RPS4Y1: variants seen among roughly 807,000 people sequenced by gnomAD.
RPS4Y1 encodes ribosomal protein S4 Y-linked 1, also known as small ribosomal subunit protein eS4, Y isoform 1.
For missense variants in RPS4Y1, 30 were observed against 60.9 expected (o/e 0.49, Z 1.69); for synonymous variants, 23 against 20.8 (o/e 1.10, Z -0.28).
intron 5 of RPS4Y1, among the ~76,000 whole-genome samples, chrY:2,859,052 C>T: frequency 6.0e-5 from 2 of 33,407 alleles, no homozygotes; most frequent in African/African-American, 2.4e-4. Flanking sequence ...GACTTATAGT[C>T]TATTTTGTCT....
intron 4 of RPS4Y1, among the ~76,000 whole-genome samples, chrY:2,847,184 C>G: frequency 3.0e-5 from 1 of 33,749 alleles, no homozygotes; most frequent in Non-Finnish European, 7.3e-5. Flanking sequence ...AGTGGAGAAT[C>G]AGAGGCTCCT....
intron 4 of RPS4Y1, among the ~76,000 whole-genome samples, 169 bp downstream of exon 4, chrY:2,845,912 T>G: frequency 3.0e-5 from 1 of 33,727 alleles, no homozygotes; most frequent in South Asian, 6.6e-4. Context: ...AGTAATGGAT[T>G]TTCCACACAA....
At chrY:2,845,298 TC>T (rs2051151905) in intron 3 of RPS4Y1, among the ~76,000 whole-genome samples, 1 of 32,577 alleles carries the variant, frequency 3.1e-5, no homozygotes, top group African/African-American at 1.2e-4. Flanking sequence ...AAATGTGAGG[TC>T]TGCTTGTTCA....
At chrY:2,862,169 C>T (rs2051164122) in intron 5 of RPS4Y1, among the ~76,000 whole-genome samples, 4 of 31,235 alleles carry the variant, frequency 1.3e-4, no homozygotes, top group African/African-American at 2.5e-4. Flanking sequence ...TCTCTTGCTT[C>T]AGCCTCCCAA....
chrY:2,863,277 T>C (rs925814757), intron 5 of RPS4Y1, among the ~76,000 whole-genome samples: 4 of 33,950 alleles, frequency 1.2e-4, no homozygotes, highest in Non-Finnish European at 1.5e-4. Flanking sequence ...TCTTCACTTT[T>C]AGAAGCAGTG....
chrY:2,841,718 G>T, intron 1 of RPS4Y1, 91 bp downstream of exon 1: 6 of 287,290 alleles, frequency 2.1e-5, no homozygotes, highest in Admixed American at 1.7e-4. Flanking sequence ...CTTTTCGGTC[G>T]CCCCTACTTG....
At chrY:2,853,241 C>T (rs752277378) in intron 4 of RPS4Y1, among the ~76,000 whole-genome samples, 1 of 33,019 alleles carries the variant, frequency 3.0e-5, no homozygotes, top group South Asian at 6.8e-4. Flanking sequence ...AAAAGTGGCT[C>T]CTCGAGTTCA....
At chrY:2,861,302 A>C (rs2051163395) in intron 5 of RPS4Y1, among the ~76,000 whole-genome samples, 1 of 32,791 alleles carries the variant, frequency 3.0e-5, no homozygotes, top group South Asian at 6.9e-4. Flanking sequence ...TAAGATGGTT[A>C]GCTTGAATTT....
At chrY:2,855,365 C>T in intron 5 of RPS4Y1, among the ~76,000 whole-genome samples, 1 of 34,013 alleles carries the variant, frequency 2.9e-5, no homozygotes, top group Non-Finnish European at 7.3e-5. Context: ...TGCCATTCTT[C>T]AGTGACTTTT....
chrY:2,866,163 T>G, intron 6 of RPS4Y1, among the ~76,000 whole-genome samples: 1 of 34,250 alleles, frequency 2.9e-5, no homozygotes, highest in Non-Finnish European at 7.3e-5. Context: ...ATTACAGATG[T>G]GGGCCACGAC....
At chrY:2,859,640 G>A (rs917425245) in intron 5 of RPS4Y1, among the ~76,000 whole-genome samples, 1 of 33,146 alleles carries the variant, frequency 3.0e-5, no homozygotes, top group Non-Finnish European at 7.5e-5. Context: ...TTTACCATTG[G>A]TTTATGGTTA....
At chrY:2,845,854 T>C (rs890342687) in intron 4 of RPS4Y1, 111 bp downstream of exon 4, 2 of 157,491 alleles carry the variant, frequency 1.3e-5, no homozygotes, top group Non-Finnish European at 2.5e-5. Flanking sequence ...TATCTCTACT[T>C]GTTTGTCTGG....
chrY:2,858,848 G>GT (rs2051161629), intron 5 of RPS4Y1, among the ~76,000 whole-genome samples: 1 of 32,798 alleles, frequency 3.0e-5, no homozygotes. Context: ...TCAACCCTTA[G>GT]TTTTTTTTCT....
chrY:2,866,668 G>T, intron 6 of RPS4Y1, 125 bp from the exon 7 acceptor site: 1 of 156,777 alleles, frequency 6.4e-6, no homozygotes, highest in African/African-American at 8.8e-5. Flanking sequence ...GATTTTGTTG[G>T]GTGGTGGTCT....
At chrY:2,844,530 C>T in intron 3 of RPS4Y1, among the ~76,000 whole-genome samples, 4 of 33,730 alleles carry the variant, frequency 1.2e-4, no homozygotes, top group African/African-American at 3.5e-4. Context: ...CCTACCTTCC[C>T]GGCAGAGACT....
chrY:2,848,157 C>T, intron 4 of RPS4Y1, among the ~76,000 whole-genome samples: 1 of 33,210 alleles, frequency 3.0e-5, no homozygotes. Flanking sequence ...GACAGTTATT[C>T]TCAAAGTAGA....
intron 4 of RPS4Y1, among the ~76,000 whole-genome samples, chrY:2,853,147 T>C (rs573191588): frequency 3.0e-5 from 1 of 33,291 alleles, no homozygotes; most frequent in African/African-American, 1.2e-4. Flanking sequence ...AAAGCAGTGA[T>C]AAGAGAGAAG....
intron 6 of RPS4Y1, among the ~76,000 whole-genome samples, chrY:2,865,552 A>C (rs929545437): frequency 4.2e-4 from 14 of 33,370 alleles, no homozygotes; most frequent in African/African-American, 1.2e-4. Context: ...ACTGGCTCCA[A>C]TCCTGGTAGT....
At chrY:2,862,735 C>T (rs1210830228) in intron 5 of RPS4Y1, among the ~76,000 whole-genome samples, 1 of 33,751 alleles carries the variant, frequency 3.0e-5, no homozygotes, top group Non-Finnish European at 7.3e-5. Context: ...GAATACTATG[C>T]GATCAAGATG....
Sources: allele counts gnomAD v4.1 joint callset (sites outside exome capture counted in the v4.1 genomes callset), GRCh38; gene constraint gnomAD v4.1.1; transcripts MANE v1.5; gene names NCBI Gene and HGNC (gene_info 2026-07-23, HGNC 2026-07-21).